MAP3K6: variants seen among roughly 807,000 people sequenced by gnomAD.
MAP3K6 encodes apoptosis signal-regulating kinase 2.
MAP3K6 carries 105 observed loss-of-function variants against 147.1 expected under a neutral mutation model. That is an observed-to-expected ratio of 0.71 (90% CI 0.61 to 0.84). The LOEUF is 0.84. MAP3K6 is among the 40% of genes least tolerant of loss of function. MAP3K6 has a pLI of 0.00. For missense variants in MAP3K6, 1,569 were observed against 1,715.0 expected (o/e 0.91, Z 1.50); for synonymous variants, 695 against 732.4 (o/e 0.95, Z 0.82).
rs150923701 is a variant in MAP3K6, at chr1:27,356,082, G to C, written c.3655C>G (p.Gln1219Glu). Residue 1219 changes from glutamine to glutamate, a missense_variant, in exon 27 of 29, where the codon CAG (glutamine) becomes GAG (glutamate). Transcript: ENST00000357582. Reference sequence around the variant, plus strand: ...TCCTGTAGCCACTGCACCAGGCCCTGGTCCGTTGAAAGAGCAGCTGTCAAG... The same window carrying C: ...TCCTGTAGCCACTGCACCAGGCCCTCGTCCGTTGAAAGAGCAGCTGTCAAG... ...PEPPTALSTD[Q>E]GLVQWLQELN... The C allele has an allele frequency of 6.6e-5, 107 of 1,614,048 alleles. No homozygotes were observed. In the African/African-American group the frequency reaches 1.3e-3, roughly 20 times the overall value.
At chr1:27,362,492 T>G in intron 8 of MAP3K6, 149 bp downstream of exon 8, 1 of 729,014 alleles carries the variant, frequency 1.4e-6, no homozygotes, top group Non-Finnish European at 2.2e-6. Context: ...CCAGAACAGG[T>G]ATGAGGACCC....
chr1:27,365,987 C>G (rs923255016), intron 1 of MAP3K6, among the ~76,000 whole-genome samples: 3 of 145,580 alleles, frequency 2.1e-5, no homozygotes, highest in Non-Finnish European at 4.5e-5. Context: ...GCTGGCTGGG[C>G]ACCGCTCCGA....
At position 27,364,721 on chromosome 1, in the gene MAP3K6, G is replaced by T. The variant is rs938952927; in HGVS notation, c.481-37C>A. Reference sequence around the variant, plus strand: ...AGACAGTCAGATACTGGTGTTCTGTGTAGGCCTTACCCCAGCCCTGTGCCT... The same window carrying T: ...AGACAGTCAGATACTGGTGTTCTGTTTAGGCCTTACCCCAGCCCTGTGCCT... On this transcript the variant is annotated intron_variant, in intron 2 of 28. Coordinates refer to ENST00000357582, the MANE Select transcript of MAP3K6 (RefSeq NM_004672.5). This position sits in a 1 kb window ranked among gnomAD's most constrained non-coding sequence, Gnocchi z 4.4. 1.2e-6 allele frequency: 2 copies of T among 1,614,042 alleles called. No individual in the cohort carries two copies. Among genetic ancestry groups the T allele is most frequent in the Non-Finnish European group, 8.5e-7 (1 of 1,180,020 alleles).
Position 27,361,776 on chromosome 1 carries a change from AGT to A in MAP3K6, c.1505_1506del (p.His502LeufsTer45). The A allele has an allele frequency of 6.2e-7, 1 of 1,612,894 alleles. No individual in the cohort carries two copies. Among genetic ancestry groups the A allele is most frequent in the Middle Eastern group, 1.7e-4 (1 of 6,058 alleles). On this transcript the variant is annotated frameshift_variant, in exon 10 of 29. Transcript: ENST00000357582. LOFTEE classifies it high-confidence loss of function. ...GACTGTAGCAAGAAGTGGAGCCAGAAGTGGGCACGGCGTGGTGGCCCTCCAGG... is the reference window on the plus strand; with the variant it reads ...GACTGTAGCAAGAAGTGGAGCCAGAAGGGCACGGCGTGGTGGCCCTCCAGG... Reference protein sequence around the residue: ...EPPGGPPRRAHFWLHFLLQSC... With the variant: ...EPPGGPPRRAXFWLHFLLQSC...
At position 27,356,591 on chromosome 1, in the gene MAP3K6, G is replaced by GGA; in HGVS notation, c.3522_3523insTC (p.Arg1175SerfsTer25). On this transcript the variant is annotated frameshift_variant and splice_region_variant, in exon 25 of 29. Transcript: ENST00000357582. LOFTEE classifies it high-confidence loss of function. ...ATGAGCGATTCCAAGGGGCTTTACC[G>GGA]ATCAGTCTCTGCCCTCAAGAGGCTC... is the stretch of plus-strand genomic sequence containing the variant. The GGA allele has an allele frequency of 6.2e-7, 1 of 1,612,416 alleles. No homozygotes were observed. Among genetic ancestry groups the GGA allele is most frequent in the Non-Finnish European group, 8.5e-7 (1 of 1,179,064 alleles).
At chr1:27,362,545 TC>T in intron 8 of MAP3K6, 95 bp downstream of exon 8, 1 of 983,682 alleles carries the variant, frequency 1.0e-6, no homozygotes. Flanking sequence ...GATGAGCTCA[TC>T]CTAGCTCTTG....
intron 8 of MAP3K6, 52 bp downstream of exon 8, chr1:27,362,589 G>T: frequency 7.2e-7 from 1 of 1,379,580 alleles, no homozygotes; most frequent in Non-Finnish European, 9.9e-7. Flanking sequence ...CTCTTCCCAG[G>T]CCCCTCGGAA....
rs753761341 is a variant in MAP3K6 at position 27,361,548 on chromosome 1, G to T, written c.1658C>A (p.Thr553Asn). ...VRGTDPVSTVTLSLLEPETQD... is the reference protein window; with the variant it reads ...VRGTDPVSTVNLSLLEPETQD... ...GGTCTCAGGCTCCAGCAGGCTCAGG[G>T]TCACTGTGCTTACTGGGTCAGTACC... The change falls in exon 11 of 29, where the codon ACC becomes AAC. Residue 553 changes from threonine to asparagine, a missense_variant. By Grantham distance (65) the Thr-to-Asn change is moderately conservative. Transcript: ENST00000357582. 3.1e-6 allele frequency: 5 copies of T among 1,614,082 alleles called. No homozygotes were observed. The South Asian group carries it at 5.5e-5, about 18-fold the overall frequency.
In MAP3K6 at chr1:27,361,112, G is replaced by A. The variant is rs760674644; in HGVS notation, c.1832+45C>T. On this transcript the variant is annotated intron_variant, in intron 13 of 28. Coordinates refer to ENST00000357582, the MANE Select transcript of MAP3K6 (RefSeq NM_004672.5). Reference sequence around the variant, plus strand: ...CCTTTCTTTCCCCCACTCCCCCCCGGGCATCCTGGCCCTCAGAGTACCCCG... The same window carrying A: ...CCTTTCTTTCCCCCACTCCCCCCCGAGCATCCTGGCCCTCAGAGTACCCCG... The A allele has an allele frequency of 1.9e-6, 3 of 1,556,272 alleles. No homozygotes were observed. In the East Asian group the frequency reaches 7.1e-5, roughly 37 times the overall value.
chr1:27,355,846 G>A, intron 27 of MAP3K6, 101 bp from the exon 28 acceptor site: 2 of 1,227,732 alleles, frequency 1.6e-6, no homozygotes, highest in South Asian at 2.5e-5. Context: ...AAAATAATGA[G>A]GCAGATCACA....
At position 27,360,912 on chromosome 1, in the gene MAP3K6, C is replaced by T. The variant is rs2015735846; in HGVS notation, c.1920+9G>A. ...CGCCCTCCGCGAGCTCCCAGTCCCG[C>T]GTCCTCACCTCCAACATCTCCCCCG... On this transcript the variant is annotated intron_variant, in intron 14 of 28. Coordinates refer to ENST00000357582, the MANE Select transcript of MAP3K6 (RefSeq NM_004672.5). This position sits in a 1 kb window ranked among gnomAD's most constrained non-coding sequence, Gnocchi z 4.5. The T allele has an allele frequency of 6.2e-7, 1 of 1,607,534 alleles. No individual in the cohort carries two copies. The highest frequency in any genetic ancestry group is 8.5e-7 in the Non-Finnish European group (1 of 1,176,674).
chr1:27,362,785 CTG>C, intron 7 of MAP3K6, 32 bp from the exon 8 acceptor site: 1 of 1,611,446 alleles, frequency 6.2e-7, no homozygotes, highest in Non-Finnish European at 8.5e-7. Flanking sequence ...CAGGGCTGGA[CTG>C]ATGCCCACAG....
At position 27,358,589 on chromosome 1, in the gene MAP3K6, G is replaced by A. The variant is rs762501726; in HGVS notation, c.2606C>T (p.Pro869Leu). Reference protein sequence around the residue: ...MFQVGMYKVHPPMPSSLSAEA... With the variant: ...MFQVGMYKVHLPMPSSLSAEA... The stretch of plus-strand genomic sequence containing the variant: ...GGCCGACAGAGAGCTGGGCATTGGC[G>A]GATGGACCTTGTACATACCCACCTG... The change falls in exon 20 of 29, where the codon CCG (proline) becomes CTG (leucine). Residue 869 changes from proline (P) to leucine (L), a missense_variant. By Grantham distance (98) the Pro-to-Leu change is moderately conservative. Coordinates refer to ENST00000357582, the MANE Select transcript of MAP3K6 (RefSeq NM_004672.5). This position sits in a 1 kb window ranked among gnomAD's most constrained non-coding sequence, Gnocchi z 6.2. 38 of 1,613,398 alleles carry A rather than the reference G, an allele frequency of 2.4e-5. No individual in the cohort carries two copies. The highest frequency in any genetic ancestry group is 1.5e-4 in the Admixed American group (9 of 59,782).
chr1:27,366,768 G>A lies in MAP3K6; in HGVS notation c.-171C>T. ...TGACGTCCCGTTCCAGGAATCTAAA[G>A]TCCAGGGAGAAATCCTAGCTCGGAC... On this transcript the variant is annotated 5_prime_UTR_variant, in exon 1 of 29. Transcript: ENST00000357582. This position sits in a 1 kb window ranked among gnomAD's most constrained non-coding sequence, Gnocchi z 5.5. 2.6e-6 allele frequency: 1 copy of A among 380,224 alleles called. No individual in the cohort carries two copies. Among genetic ancestry groups the A allele is most frequent in the South Asian group, 1.1e-4 (1 of 9,180 alleles). 23.6% of individuals were successfully genotyped at this position (380,224 alleles called of 1,614,324 possible). A position where few individuals can be genotyped will look rare whatever the true frequency, so the allele number is the denominator to read the frequency against.
chr1:27,364,971 C>G lies in MAP3K6; in HGVS notation c.341-59G>C, dbSNP rs960565597. The stretch of plus-strand genomic sequence containing the variant: ...AAGCCCAGCTTGATGGGGAAGGAGC[C>G]GGGGTCCATCCTGGCTTGACCTGCC... On this transcript the variant is annotated intron_variant, in intron 1 of 28. Transcript: ENST00000357582. The surrounding 1 kb of genome is among the most constrained non-coding windows in gnomAD (Gnocchi z 4.4). 4.6e-6 allele frequency: 7 copies of G among 1,526,446 alleles called. No homozygotes were observed. Among genetic ancestry groups the G allele is most frequent in the Non-Finnish European group, 6.2e-6 (7 of 1,133,126 alleles). The allele number at this position is 1,526,446 out of a possible 1,614,324, so 94.6% of individuals were successfully genotyped here.
At position 27,360,767 on chromosome 1, in the gene MAP3K6, C is replaced by A; in HGVS notation, c.1992G>T (p.Ala664=). Residue 664 remains alanine, a synonymous_variant, in exon 15 of 29, where the codon GCG becomes GCT. Coordinates refer to ENST00000357582, the MANE Select transcript of MAP3K6 (RefSeq NM_004672.5). The surrounding 1 kb of genome is among the most constrained non-coding windows in gnomAD (Gnocchi z 4.5). The stretch of plus-strand genomic sequence containing the variant: ...GCACCCTCGTGTGGCGATCGCGGCC[C>A]GCGTACACCACCCCATACGTGCCCT... ...LGKGTYGVVY[A]GRDRHTRVRI... 9 of 1,612,696 alleles carry A rather than the reference C, an allele frequency of 5.6e-6. No individual in the cohort carries two copies. The highest frequency in any genetic ancestry group is 7.6e-6 in the Non-Finnish European group (9 of 1,179,858).
At chr1:27,363,234 C>T (rs889327773) in intron 6 of MAP3K6, among the ~76,000 whole-genome samples, 2 of 152,116 alleles carry the variant, frequency 1.3e-5, no homozygotes, top group African/African-American at 2.4e-5. Context: ...TCTTGGACAG[C>T]GGTGACCATA....
At position 27,364,027 on chromosome 1, in the gene MAP3K6, C is replaced by T; in HGVS notation, c.754G>A (p.Gly252Arg). ...GCCAGCTCCTGCCGCAGCTGTGGCC[C>T]ACTGAACCGCTCCCGCGCCTGCCGG... ...DIRQARERFS[G>R]PQLRQELARL... Residue 252 changes from glycine (G) to arginine (R), a missense_variant, in exon 5 of 29, where the codon GGG (glycine) becomes AGG (arginine). Gly to Arg is a moderately radical substitution (Grantham distance 125). Coordinates refer to ENST00000357582, the MANE Select transcript of MAP3K6 (RefSeq NM_004672.5). This position sits in a 1 kb window ranked among gnomAD's most constrained non-coding sequence, Gnocchi z 4.4. The T allele has an allele frequency of 6.2e-7, 1 of 1,612,764 alleles. No individual in the cohort carries two copies. Among genetic ancestry groups the T allele is most frequent in the Non-Finnish European group, 8.5e-7 (1 of 1,179,986 alleles).
Position 27,358,492 on chromosome 1 carries a change from C to CA in MAP3K6, c.2702dup (p.Asp903GlyfsTer235), listed in dbSNP as rs2015623591. The CA allele has an allele frequency of 1.2e-6, 2 of 1,602,616 alleles. No homozygotes were observed. Among genetic ancestry groups the CA allele is most frequent in the East Asian group, 4.5e-5 (2 of 44,844 alleles). On this transcript the variant is annotated frameshift_variant, in exon 20 of 29. Transcript: ENST00000357582. LOFTEE classifies it high-confidence loss of function. The surrounding 1 kb of genome is among the most constrained non-coding windows in gnomAD (Gnocchi z 6.2). ...TCCCAGGCTGCAGGAAGGGGTCCCCCAGCAGTGTCTGGGCGCTGGCTCGGA... is the reference window on the plus strand; with the variant it reads ...TCCCAGGCTGCAGGAAGGGGTCCCCCAAGCAGTGTCTGGGCGCTGGCTCGGA...
Sources: allele counts gnomAD v4.1 joint callset (sites outside exome capture counted in the v4.1 genomes callset), GRCh38; gene constraint gnomAD v4.1.1; non-coding constraint Gnocchi (gnomAD v3.1); transcripts MANE v1.5; gene names NCBI Gene and HGNC (gene_info 2026-07-23, HGNC 2026-07-21).